INTS9: variants seen among roughly 807,000 people sequenced by gnomAD.
INTS9 encodes the protein integrator complex subunit 9, also known as protein related to CPSF subunits of 74 kDa.
INTS9 carries 55 observed loss-of-function variants against 79.7 expected under a neutral mutation model. The observed-to-expected ratio is 0.69, with a 90% CI of 0.56 to 0.86. The LOEUF (loss-of-function observed/expected upper bound fraction) is 0.86. Ranked by LOEUF, INTS9 falls within the 40% of genes least tolerant of loss-of-function variation. INTS9 has a pLI of 0.00. For synonymous variants in INTS9, 319 were observed against 325.2 expected (o/e 0.98, Z 0.20); for missense variants, 721 against 831.5 (o/e 0.87, Z 1.64).
chr8:28,864,050 G>A (rs1404944591), intron 1 of INTS9, among the ~76,000 whole-genome samples: 2 of 151,990 alleles, frequency 1.3e-5, no homozygotes, highest in Non-Finnish European at 2.9e-5. Context: ...TCATTAAAAA[G>A]CTTTTATTAT....
intron 6 of INTS9, among the ~76,000 whole-genome samples, chr8:28,829,921 A>C (rs1397523144): frequency 6.6e-6 from 1 of 152,098 alleles, no homozygotes; most frequent in Non-Finnish European, 1.5e-5. Context: ...CCCTATACAG[A>C]GGTGTGGTCA....
At chr8:28,781,349 TTATAA>T (rs1382583899) in intron 11 of INTS9, among the ~76,000 whole-genome samples, 1 of 152,182 alleles carries the variant, frequency 6.6e-6, no homozygotes, top group African/African-American at 2.4e-5. Context: ...TATACACCTG[TTATAA>T]TAAAATGGCC....
chr8:28,835,468 C>A, intron 5 of INTS9, 90 bp from the exon 6 acceptor site: 9 of 661,494 alleles, frequency 1.4e-5, no homozygotes, highest in Admixed American at 2.4e-5. Context: ...AAATGACTTG[C>A]CCACCTCCCC....
intron 11 of INTS9, among the ~76,000 whole-genome samples, chr8:28,782,975 G>A (rs1350616687): frequency 2.0e-5 from 3 of 151,922 alleles, no homozygotes; most frequent in Admixed American, 1.3e-4. Flanking sequence ...GTGAAACCCC[G>A]TCTCTACTAA....
At chr8:28,792,967 T>C (rs1028172286) in intron 10 of INTS9, among the ~76,000 whole-genome samples, 1 of 149,876 alleles carries the variant, frequency 6.7e-6, no homozygotes, top group Non-Finnish European at 1.5e-5. Context: ...TAGAGACGCC[T>C]GTATGAGTCT....
At chr8:28,860,559 C>T (rs1425985378) in intron 1 of INTS9, among the ~76,000 whole-genome samples, 2 of 151,906 alleles carry the variant, frequency 1.3e-5, no homozygotes, top group Non-Finnish European at 2.9e-5. Context: ...TCACTGCAAC[C>T]TCCGCCTCCC....
At chr8:28,876,050 T>G (rs1299745892) in intron 1 of INTS9, among the ~76,000 whole-genome samples, 1 of 152,244 alleles carries the variant, frequency 6.6e-6, no homozygotes, top group African/African-American at 2.4e-5. Flanking sequence ...AGCCCCTTTT[T>G]GTTTCTATGG....
intron 1 of INTS9, among the ~76,000 whole-genome samples, chr8:28,865,030 T>C (rs1429089848): frequency 4.0e-5 from 6 of 149,074 alleles, no homozygotes; most frequent in Non-Finnish European, 7.4e-5. Context: ...TCAGTTTTCA[T>C]AGTAAAAAAA....
intron 2 of INTS9, among the ~76,000 whole-genome samples, chr8:28,852,834 A>G (rs1807922257): frequency 1.3e-5 from 2 of 152,248 alleles, no homozygotes; most frequent in African/African-American, 4.8e-5. Flanking sequence ...ACTTTGGGTT[A>G]GAGCCACTGC....
At chr8:28,829,933 C>T (rs1336755396) in intron 6 of INTS9, among the ~76,000 whole-genome samples, 4 of 152,036 alleles carry the variant, frequency 2.6e-5, no homozygotes, top group Non-Finnish European at 4.4e-5. Context: ...GTGTGGTCAC[C>T]GGTCCACATT....
chr8:28,842,103 G>A lies in INTS9; in HGVS notation c.262-4327C>T, dbSNP rs117398837. 6.7e-3 allele frequency among the ~76,000 whole-genome samples: 1,024 copies of A among 152,228 alleles called. 13 individuals are homozygous for A. The highest frequency in any genetic ancestry group is 0.019 in the South Asian group (93 of 4,824). On this transcript the variant is annotated intron_variant, in intron 4 of 16. Coordinates refer to ENST00000521022, the MANE Select transcript of INTS9 (RefSeq NM_018250.4). The stretch of plus-strand genomic sequence containing the variant: ...ACCCCATCTCAAAAAAAATCATAAG[G>A]AAAAGTAAATGTACTTTAGTGATAG...
At chr8:28,798,896 T>C (rs1315962952) in intron 8 of INTS9, among the ~76,000 whole-genome samples, 1 of 152,184 alleles carries the variant, frequency 6.6e-6, no homozygotes, top group Non-Finnish European at 1.5e-5. Context: ...ACTCTGACAT[T>C]TGAGGCTGCA....
chr8:28,887,359 CAGAT>C (rs1483324899), intron 1 of INTS9, among the ~76,000 whole-genome samples: 1 of 152,064 alleles, frequency 6.6e-6, no homozygotes, highest in African/African-American at 2.4e-5. Flanking sequence ...GCAGAGAGAC[CAGAT>C]AAGGGGTCTT....
Position 28,870,745 on chromosome 8 carries a change from G to T in INTS9, c.10-11182C>A, listed in dbSNP as rs528856388. ...TGGTCACAATTGTGAAGACAATCAG[G>T]AAGGGGTTCCCTAACTCAACAGACT... On this transcript the variant is annotated intron_variant, in intron 1 of 16. Coordinates refer to ENST00000521022, the MANE Select transcript of INTS9 (RefSeq NM_018250.4). 1.3e-4 allele frequency among the ~76,000 whole-genome samples: 20 copies of T among 152,306 alleles called. No homozygotes were observed. In the East Asian group the frequency reaches 3.9e-3, roughly 29 times the overall value.
intron 1 of INTS9, among the ~76,000 whole-genome samples, chr8:28,875,766 T>C (rs1809346438): frequency 6.6e-6 from 1 of 152,256 alleles, no homozygotes; most frequent in Non-Finnish European, 1.5e-5. Flanking sequence ...ACATTGAATA[T>C]ACACAGTTTG....
At chr8:28,843,717 T>G (rs1807328709) in intron 4 of INTS9, among the ~76,000 whole-genome samples, 1 of 152,116 alleles carries the variant, frequency 6.6e-6, no homozygotes, top group Non-Finnish European at 1.5e-5. Context: ...TGCTTTTCTT[T>G]TCTTCTTCCT....
intron 4 of INTS9, among the ~76,000 whole-genome samples, chr8:28,842,815 G>T (rs554836240): frequency 4.8e-4 from 73 of 152,274 alleles, no homozygotes; most frequent in Non-Finnish European, 8.2e-4. Context: ...CTGTAACAAT[G>T]ATGGCAGGTT....
chr8:28,804,701 C>T (rs749758509), intron 8 of INTS9, among the ~76,000 whole-genome samples: 27 of 152,192 alleles, frequency 1.8e-4, no homozygotes, highest in African/African-American at 6.3e-4. Context: ...ATCTACTAAA[C>T]ATGGTGAGCT....
chr8:28,833,479 G>C (rs1373209510), intron 6 of INTS9, among the ~76,000 whole-genome samples: 1 of 151,898 alleles, frequency 6.6e-6, no homozygotes, highest in African/African-American at 2.4e-5. Flanking sequence ...AATTAGCTGG[G>C]TGTGGTTGCA....
Sources: gnomAD v4.1 joint callset for allele counts (sites outside exome capture counted in the v4.1 genomes callset) on GRCh38, gnomAD v4.1.1 for gene constraint, MANE v1.5 for transcripts, NCBI Gene and HGNC (gene_info 2026-07-23, HGNC 2026-07-21) for gene names.